Variants in MARCHF11 observed in about 807,000 individuals in gnomAD.
MARCHF11 encodes the protein E3 ubiquitin-protein ligase MARCHF11.
Under a neutral mutation model 37.3 loss-of-function variants are expected in MARCHF11, and 29 were observed. The ratio of observed to expected loss-of-function variants is 0.78; its 90% confidence interval spans 0.58 to 1.06. MARCHF11 has a LOEUF of 1.06. Among genes scored for constraint, MARCHF11 ranks in the 50% least tolerant of loss-of-function variants. The probability of loss-of-function intolerance (pLI) is 0.00; values close to 1 mark genes in which losing one functional copy is unlikely to be tolerated. For missense variants in MARCHF11, 482 were observed against 533.4 expected (o/e 0.90, Z 0.95); for synonymous variants, 233 against 228.0 (o/e 1.02, Z -0.20).
chr5:16,134,900 G>A (rs923447488), intron 2 of MARCHF11, among the ~76,000 whole-genome samples: 7 of 152,010 alleles, frequency 4.6e-5, no homozygotes, highest in African/African-American at 1.7e-4. Context: ...AATTATATGT[G>A]TGCATGTATA....
intron 2 of MARCHF11, among the ~76,000 whole-genome samples, chr5:16,094,638 T>C (rs945572289): frequency 6.6e-6 from 1 of 152,134 alleles, no homozygotes; most frequent in Non-Finnish European, 1.5e-5. Flanking sequence ...TTTCTTTCTT[T>C]CCGTAATAGT....
chr5:16,145,910 A>G (rs577350164), intron 2 of MARCHF11, among the ~76,000 whole-genome samples: 2 of 152,246 alleles, frequency 1.3e-5, no homozygotes, highest in African/African-American at 4.8e-5. Flanking sequence ...ATACAACTTC[A>G]CCTTTTTTAT....
At chr5:16,149,639 T>C (rs1479565113) in intron 2 of MARCHF11, among the ~76,000 whole-genome samples, 1 of 152,126 alleles carries the variant, frequency 6.6e-6, no homozygotes, top group Non-Finnish European at 1.5e-5. Context: ...TCCCTGCCTC[T>C]TGACTTTGGA....
In MARCHF11 at chr5:16,079,003, G is replaced by A. The variant is rs180982225; in HGVS notation, c.887-11210C>T. Among the ~76,000 whole-genome samples, 26 of 152,192 alleles carry A rather than the reference G, an allele frequency of 1.7e-4. No individual in the cohort carries two copies. In the East Asian group the frequency reaches 4.8e-3, roughly 28 times the overall value. On this transcript the variant is annotated intron_variant, in intron 3 of 3. Coordinates refer to ENST00000332432, the MANE Select transcript of MARCHF11 (RefSeq NM_001102562.3). The stretch of plus-strand genomic sequence containing the variant: ...CACACACGTGCACACTCATATATGG[G>A]ATAAAGCCATGGGAGATGTGTCCTC...
intron 2 of MARCHF11, among the ~76,000 whole-genome samples, chr5:16,124,892 C>T (rs1399165287): frequency 6.6e-6 from 1 of 151,282 alleles, no homozygotes; most frequent in Non-Finnish European, 1.5e-5. Flanking sequence ...ATATGTAAAT[C>T]CATACTTCTA....
At chr5:16,071,982 CAG>C (rs1455949447) in intron 3 of MARCHF11, among the ~76,000 whole-genome samples, 2 of 151,954 alleles carry the variant, frequency 1.3e-5, no homozygotes, top group Non-Finnish European at 2.9e-5. Context: ...TTTTTTGAGA[CAG>C]AGTCTCGCTC....
intron 3 of MARCHF11, among the ~76,000 whole-genome samples, chr5:16,079,379 T>A (rs1736569949): frequency 6.6e-6 from 1 of 152,200 alleles, no homozygotes; most frequent in Admixed American, 6.5e-5. Context: ...TGGCTTTGGA[T>A]CCTTCCCTAG....
At chr5:16,098,177 T>A (rs1435824580) in intron 2 of MARCHF11, among the ~76,000 whole-genome samples, 1 of 152,120 alleles carries the variant, frequency 6.6e-6, no homozygotes, top group Non-Finnish European at 1.5e-5. Context: ...AAAGGGCATC[T>A]AAAAAACACT....
At chr5:16,109,519 T>C (rs1168723338) in intron 2 of MARCHF11, among the ~76,000 whole-genome samples, 1 of 152,254 alleles carries the variant, frequency 6.6e-6, no homozygotes, top group Admixed American at 6.5e-5. Context: ...TGTGTGCTCC[T>C]CACATCCCTT....
intron 2 of MARCHF11, chr5:16,141,286 A>G (rs1461456583): frequency 6.6e-6 from 1 of 152,132 alleles, no homozygotes; most frequent in Non-Finnish European, 1.5e-5. Context: ...GGGGCCATAC[A>G]CTACTCTAGG....
Position 16,179,054 on chromosome 5 carries a change from G to A in MARCHF11, c.522C>T (p.Phe174=). The change falls in exon 1 of 4, where the codon TTC becomes TTT. Residue 174 remains phenylalanine, a synonymous_variant. Coordinates refer to ENST00000332432, the MANE Select transcript of MARCHF11 (RefSeq NM_001102562.3). ...CGGGCCTTACCTGCTCCGCGCCCTG[G>A]AAGCAGATCTTGCAGATGGGCTGGT... ...QHHQPICKIC[F]QGAEQGELLN... is the part of the protein sequence containing the mutation. The A allele has an allele frequency of 6.7e-7, 1 of 1,485,692 alleles. No individual in the cohort carries two copies. Among genetic ancestry groups the A allele is most frequent in the Non-Finnish European group, 8.9e-7 (1 of 1,124,496 alleles). 92.0% of individuals were successfully genotyped at this position (1,485,692 alleles called of 1,614,324 possible).
chr5:16,144,448 T>C (rs1424857626), intron 2 of MARCHF11, among the ~76,000 whole-genome samples: 1 of 152,330 alleles, frequency 6.6e-6, no homozygotes, highest in East Asian at 1.9e-4. Context: ...AGCATCACTA[T>C]GCAGAACTTC....
At chr5:16,125,822 C>T (rs949657276) in intron 2 of MARCHF11, among the ~76,000 whole-genome samples, 13 of 152,096 alleles carry the variant, frequency 8.5e-5, no homozygotes, top group African/African-American at 3.1e-4. Flanking sequence ...AGTACAAATC[C>T]CTTATGGGTT....
intron 2 of MARCHF11, among the ~76,000 whole-genome samples, chr5:16,112,072 C>G (rs1271296885): frequency 1.3e-5 from 2 of 152,222 alleles, no homozygotes; most frequent in Non-Finnish European, 2.9e-5. Context: ...CAGAAATTTG[C>G]TGCAGGAGTG....
intron 3 of MARCHF11, among the ~76,000 whole-genome samples, chr5:16,074,556 C>A (rs1031618284): frequency 2.0e-5 from 3 of 152,118 alleles, no homozygotes; most frequent in Non-Finnish European, 4.4e-5. Context: ...TGGTATAGAG[C>A]TTTGCTCTTC....
chr5:16,112,523 A>C (rs1327888817), intron 2 of MARCHF11, among the ~76,000 whole-genome samples: 1 of 152,166 alleles, frequency 6.6e-6, no homozygotes, highest in Non-Finnish European at 1.5e-5. Flanking sequence ...CAATGCCTGT[A>C]CCCACATTGT....
At chr5:16,162,670 A>AT (rs1738100828) in intron 2 of MARCHF11, among the ~76,000 whole-genome samples, 1 of 151,710 alleles carries the variant, frequency 6.6e-6, no homozygotes, top group African/African-American at 2.4e-5. Context: ...AATGGCTGAG[A>AT]TTTTGTCTTT....
rs115031673 is a variant in MARCHF11, at chr5:16,104,165, A to G, written c.694-13084T>C. On this transcript the variant is annotated intron_variant, in intron 2 of 3. Transcript: ENST00000332432. ...ACCCTTTCTCTTCCTCATCTTTAAA[A>G]TGAGGATTTTGATTAAACCATCTTT... is the stretch of plus-strand genomic sequence containing the variant. Among the ~76,000 whole-genome samples, 767 of 152,294 alleles carry G rather than the reference A, an allele frequency of 5.0e-3. 5 individuals are homozygous for G. Among genetic ancestry groups the G allele is most frequent in the African/African-American group, 0.018 (735 of 41,566 alleles).
At chr5:16,073,353 G>A (rs1186747124) in intron 3 of MARCHF11, among the ~76,000 whole-genome samples, 1 of 152,122 alleles carries the variant, frequency 6.6e-6, no homozygotes, top group Non-Finnish European at 1.5e-5. Context: ...TCCTGATGCT[G>A]TTTCTTAACC....
Sources: allele counts gnomAD v4.1 joint callset (sites outside exome capture counted in the v4.1 genomes callset), GRCh38; gene constraint gnomAD v4.1.1; transcripts MANE v1.5; gene names NCBI Gene and HGNC (gene_info 2026-07-23, HGNC 2026-07-21).